The following ABCB11 variants were observed in gnomAD, a reference collection of about 807,000 sequenced individuals.
ABCB11 encodes ATP binding cassette subfamily B member 11.
ABCB11 carries 95 observed loss-of-function variants against 148.0 expected under a neutral mutation model. That is an observed-to-expected ratio of 0.64 (90% confidence interval 0.54 to 0.76). The LOEUF is 0.76. Ranked by LOEUF, ABCB11 falls within the 30% of genes least tolerant of loss-of-function variation. The pLI is 0.00. For missense variants in ABCB11, 1,523 were observed against 1,617.8 expected (o/e 0.94, Z 1.01); for synonymous variants, 591 against 555.4 (o/e 1.06, Z -0.90).
chr2:168,930,564 A>C (rs1338770207), intron 25 of ABCB11, 101 bp downstream of exon 25: 1 of 988,642 alleles, frequency 1.0e-6, no homozygotes, highest in African/African-American at 1.7e-5. Context: ...TTAGGCAAGC[A>C]TTTTAAAGTG....
chr2:168,917,640 TCTTTCTTG>T (rs1422718897), downstream of ABCB11, among the ~76,000 whole-genome samples: 1 of 152,200 alleles, frequency 6.6e-6, no homozygotes, highest in Non-Finnish European at 1.5e-5. Context: ...TCCCCAAAGG[TCTTTCTTG>T]CATCCAAACT....
At chr2:168,948,657 G>T (rs1692431183) in intron 19 of ABCB11, among the ~76,000 whole-genome samples, 1 of 151,636 alleles carries the variant, frequency 6.6e-6, no homozygotes, top group Non-Finnish European at 1.5e-5. Flanking sequence ...TTTATATTTG[G>T]ATATTGTACC....
chr2:168,981,334 A>G (rs1193128004), intron 10 of ABCB11, among the ~76,000 whole-genome samples: 1 of 152,152 alleles, frequency 6.6e-6, no homozygotes, highest in Non-Finnish European at 1.5e-5. Context: ...CAGCCTATGC[A>G]TAGGGACAAA....
intron 9 of ABCB11, among the ~76,000 whole-genome samples, chr2:168,988,854 T>C (rs1328627047): frequency 6.6e-6 from 1 of 152,174 alleles, no homozygotes; most frequent in Non-Finnish European, 1.5e-5. Context: ...TTGTGTTTCC[T>C]TGATGATTAG....
rs1469986862 is a variant in ABCB11 at position 168,930,683 on chromosome 2, A to G, written c.3393T>C (p.Asp1131=). ...TSIQLLERFY[D]PDQGKVMIDG... Reference sequence around the variant, plus strand: ...GGCTTACCACCTTCCCTTGATCAGGATCATAGAAACGTTCCAACAGCTGAA... The same window carrying G: ...GGCTTACCACCTTCCCTTGATCAGGGTCATAGAAACGTTCCAACAGCTGAA... The change falls in exon 25 of 28, where the codon GAT becomes GAC. Residue 1131 remains aspartate (D), a synonymous_variant. Coordinates refer to ENST00000650372, the MANE Select transcript of ABCB11 (RefSeq NM_003742.4). 1 of 1,573,028 alleles carries G rather than the reference A, an allele frequency of 6.4e-7. No homozygotes were observed. Among genetic ancestry groups the G allele is most frequent in the East Asian group, 2.3e-5 (1 of 43,954 alleles).
chr2:169,010,959 A>T (rs182366646), intron 5 of ABCB11, among the ~76,000 whole-genome samples: 1 of 152,222 alleles, frequency 6.6e-6, no homozygotes, highest in Non-Finnish European at 1.5e-5. Context: ...AGCCAAAGCC[A>T]GTGGACTTCT....
intron 1 of ABCB11, among the ~76,000 whole-genome samples, chr2:169,023,668 A>G (rs7602171): frequency 0.72 from 109,797 of 152,172 alleles, 40,305 homozygotes; most frequent in African/African-American, 0.84. Flanking sequence ...ACTGTATGAT[A>G]CCATTTATGT....
chr2:168,986,081 C>G lies in ABCB11; in HGVS notation c.1083+29G>C, dbSNP rs191813587. On this transcript the variant is annotated intron_variant, in intron 10 of 27. Coordinates refer to ENST00000650372, the MANE Select transcript of ABCB11 (RefSeq NM_003742.4). Reference sequence around the variant, plus strand: ...TTTTCTGAGATACCAGAAGGAAATGCTATGTCTCGGTCAATAAGTCCAAGG... The same window carrying G: ...TTTTCTGAGATACCAGAAGGAAATGGTATGTCTCGGTCAATAAGTCCAAGG... 58 of 1,488,058 alleles carry G rather than the reference C, an allele frequency of 3.9e-5. No individual in the cohort carries two copies. In the South Asian group the frequency reaches 4.9e-4, roughly 13 times the overall value. 92.2% of individuals were successfully genotyped at this position (1,488,058 alleles called of 1,614,324 possible). A position where few individuals can be genotyped will look rare whatever the true frequency, so the allele number is the denominator to read the frequency against.
In ABCB11 at chr2:168,975,258, TAA is replaced by T. The variant is rs1693781405; in HGVS notation, c.1308+1317_1308+1318del. 2.1e-5 allele frequency among the ~76,000 whole-genome samples: 2 copies of T among 95,338 alleles called. 1 individual carries two copies. The highest frequency in any genetic ancestry group is 9.3e-5 in the African/African-American group (2 of 21,402). The allele number at this position is 95,338 out of a possible 152,430, so 62.5% of individuals were successfully genotyped here. A position where few individuals can be genotyped will look rare whatever the true frequency, so the allele number is the denominator to read the frequency against. On this transcript the variant is annotated intron_variant, in intron 12 of 27. Coordinates refer to ENST00000650372, the MANE Select transcript of ABCB11 (RefSeq NM_003742.4). ...ATAAATATTTAAATATTTTTATATT[TAA>T]ATATTTATAGATAAATATATGAATA...
intron 9 of ABCB11, among the ~76,000 whole-genome samples, chr2:168,988,344 G>A (rs1479571316): frequency 6.6e-6 from 1 of 152,062 alleles, no homozygotes; most frequent in Non-Finnish European, 1.5e-5. Flanking sequence ...AACTCTGTCA[G>A]TGAGATCATG....
Position 169,013,456 on chromosome 2 carries a change from C to A in ABCB11, c.205G>T (p.Ala69Ser). The change falls in exon 5 of 28, where the codon GCA becomes TCA. Residue 69 changes from alanine to serine, a missense_variant. Transcript: ENST00000650372. ...IWLMFVGSLC[A>S]FLHGIAQPGV... ...GGCTGGGCTATTCCATGGAGAAATG[C>A]ACACAAACTTCCCACAAACATCAGC... is the stretch of plus-strand genomic sequence containing the variant. 1 of 1,613,570 alleles carries A rather than the reference C, an allele frequency of 6.2e-7. No homozygotes were observed. The highest frequency in any genetic ancestry group is 2.2e-5 in the East Asian group (1 of 44,864).
At chr2:168,963,092 G>A (rs367927718) in intron 18 of ABCB11, among the ~76,000 whole-genome samples, 24 of 151,724 alleles carry the variant, frequency 1.6e-4, no homozygotes, top group African/African-American at 3.4e-4. Flanking sequence ...GTGGATTCAC[G>A]TGTTGGAATT....
chr2:168,998,090 T>C (rs868702354), intron 5 of ABCB11, among the ~76,000 whole-genome samples: 7 of 151,976 alleles, frequency 4.6e-5, no homozygotes, highest in Admixed American at 6.6e-5. Flanking sequence ...AACTTATCGA[T>C]GAATATCCAC....
In ABCB11 at chr2:168,927,250, T is replaced by G. The variant is rs200709879; in HGVS notation, c.3524A>C (p.Lys1175Thr). The change falls in exon 26 of 28, where the codon AAG (lysine) becomes ACG (threonine). Residue 1175 changes from lysine to threonine, a missense_variant. Lys to Thr is a moderately conservative substitution (Grantham distance 78). Coordinates refer to ENST00000650372, the MANE Select transcript of ABCB11 (RefSeq NM_003742.4). ...AATTTCTTTGGTGTTGTCTCCATAC[T>G]TGATATTGTCCATTATGCTACAGGC... ...LFACSIMDNI[K>T]YGDNTKEIPM... 630 of 1,613,786 alleles carry G rather than the reference T, an allele frequency of 3.9e-4. 4 individuals carry two copies. The highest frequency in any genetic ancestry group is 1.6e-4 in the Middle Eastern group (1 of 6,084).
chr2:169,017,832 A>T lies in ABCB11; in HGVS notation c.76+218T>A, dbSNP rs996749889. The T allele has an allele frequency of 5.0e-5, 36 of 712,974 alleles. No individual in the cohort carries two copies. The South Asian group carries it at 5.3e-4, about 10-fold the overall frequency. 44.2% of individuals were successfully genotyped at this position (712,974 alleles called of 1,614,324 possible). On this transcript the variant is annotated intron_variant, in intron 2 of 27. Coordinates refer to ENST00000650372, the MANE Select transcript of ABCB11 (RefSeq NM_003742.4). ...AAAGGTGTTGGTGAGAGATGCTTTC[A>T]TTTACACACACTTGGTGTGTTCTTA...
intron 1 of ABCB11, among the ~76,000 whole-genome samples, chr2:169,025,290 C>A (rs1280693969): frequency 2.6e-5 from 4 of 152,194 alleles, no homozygotes; most frequent in African/African-American, 9.7e-5. Flanking sequence ...TGTTGCTTCA[C>A]TCTACGTAGT....
At chr2:168,925,140 T>C (rs577735321) in intron 26 of ABCB11, among the ~76,000 whole-genome samples, 1 of 152,342 alleles carries the variant, frequency 6.6e-6, no homozygotes. Context: ...TCTAGATTCT[T>C]ATCTGGAAAA....
intron 12 of ABCB11, 115 bp downstream of exon 12, chr2:168,976,462 A>C (rs1693910224): frequency 5.2e-6 from 3 of 576,314 alleles, no homozygotes; most frequent in Admixed American, 6.5e-5. Flanking sequence ...AGACACCTCC[A>C]TTCCCTATTA....
chr2:168,930,847 T>G lies in ABCB11; in HGVS notation c.3229A>C (p.Lys1077Gln), dbSNP rs1339313529. The G allele has an allele frequency of 6.2e-7, 1 of 1,601,036 alleles. No individual in the cohort carries two copies. The highest frequency in any genetic ancestry group is 8.5e-7 in the Non-Finnish European group (1 of 1,173,874). The stretch of plus-strand genomic sequence containing the variant: ...AATTTACAATCAACAAAATCAATCT[T>G]CCCCTGGAAGTTGTCCTGTGGATGG... Reference protein sequence around the residue: ...AGEKWDNFQGKIDFVDCKFTY... With the variant: ...AGEKWDNFQGQIDFVDCKFTY... The change falls in exon 25 of 28, where the codon AAG becomes CAG. Residue 1077 changes from lysine (K) to glutamine (Q), a missense_variant. By Grantham distance (53) the Lys-to-Gln change is moderately conservative. Transcript: ENST00000650372.
Sources: gnomAD v4.1 joint callset for allele counts (sites outside exome capture counted in the v4.1 genomes callset) on GRCh38, gnomAD v4.1.1 for gene constraint, MANE v1.5 for transcripts, NCBI Gene and HGNC (gene_info 2026-07-23, HGNC 2026-07-21) for gene names.